Variants in EPM2A observed in about 807,000 individuals in gnomAD.
EPM2A encodes the protein laforin.
In EPM2A, 21 loss-of-function variants were observed where a neutral mutation model predicts 26.5. That is an observed-to-expected ratio of 0.79 (90% CI 0.56 to 1.14). The LOEUF (loss-of-function observed/expected upper bound fraction) is 1.14. Ranked by LOEUF, EPM2A falls within the 50% of genes most tolerant of loss-of-function variation. The probability of loss-of-function intolerance (pLI) is 0.00; values close to 1 mark genes in which losing one functional copy is unlikely to be tolerated. For synonymous variants in EPM2A, 217 were observed against 177.6 expected, an observed-to-expected ratio of 1.22 and a Z score of -1.76; for missense variants, 458 against 440.8, an observed-to-expected ratio of 1.04 and a Z score of -0.35.
rs541969821 is a variant in EPM2A, at chr6:145,386,709, G to C, written c.556-2612C>G. Among the ~76,000 whole-genome samples the C allele has an allele frequency of 5.1e-4, 78 of 152,264 alleles. 1 individual carries two copies. The highest frequency in any genetic ancestry group is 1.8e-3 in the African/African-American group (73 of 41,560). ...GGCCATATTCTGATGTGTGATATCA[G>C]TTTTCAGGCAGGTAGTTGCAGTTTA... On this transcript the variant is annotated intron_variant, in intron 4 of 4. Transcript: ENST00000638717.
Position 145,626,440 on chromosome 6 carries a change from G to A in EPM2A, c.*976C>T. ...CTCTGGTCTTAAAACAGCCCATCAT[G>A]TTTTTAAATTAGCTTGCACAAAATA... On this transcript the variant is annotated 3_prime_UTR_variant, in exon 4 of 4. Coordinates refer to ENST00000367519, the MANE Select transcript of EPM2A (RefSeq NM_005670.4). 1.0e-6 allele frequency: 1 copy of A among 985,896 alleles called. No homozygotes were observed. Among genetic ancestry groups the A allele is most frequent in the Non-Finnish European group, 1.2e-6 (1 of 829,968 alleles). 61.1% of individuals were successfully genotyped at this position (985,896 alleles called of 1,614,324 possible). A position where few individuals can be genotyped will look rare whatever the true frequency, so the allele number is the denominator to read the frequency against.
chr6:145,578,542 TAACA>T (rs1257788613), intron 2 of EPM2A, among the ~76,000 whole-genome samples: 2 of 152,242 alleles, frequency 1.3e-5, no homozygotes, highest in East Asian at 3.9e-4. Flanking sequence ...ATCGAATTAA[TAACA>T]AACAGTTTCC....
intron 4 of EPM2A, among the ~76,000 whole-genome samples, chr6:145,468,801 T>A (rs905186481): frequency 6.6e-6 from 1 of 152,028 alleles, no homozygotes; most frequent in Admixed American, 6.6e-5. Flanking sequence ...CACATCAAGT[T>A]AAAAAAGCTT....
chr6:145,719,976 A>T (rs1775864111), intron 1 of EPM2A, among the ~76,000 whole-genome samples: 1 of 152,196 alleles, frequency 6.6e-6, no homozygotes, highest in South Asian at 2.1e-4. Context: ...ACATTTTTGT[A>T]TTACCAGAAT....
chr6:145,395,059 A>T (rs544219334), intron 4 of EPM2A, among the ~76,000 whole-genome samples: 1 of 152,032 alleles, frequency 6.6e-6, no homozygotes, highest in Non-Finnish European at 1.5e-5. Context: ...TAAGTTTCAC[A>T]GACATCTATT....
intron 1 of EPM2A, among the ~76,000 whole-genome samples, chr6:145,690,468 C>T (rs1282458949): frequency 2.0e-5 from 3 of 148,684 alleles, no homozygotes; most frequent in African/African-American, 7.5e-5. Context: ...CGAGATTGCG[C>T]CACTGCAGTC....
At position 145,447,948 on chromosome 6, in the gene EPM2A, A is replaced by T. The variant is rs6570685; in HGVS notation, c.555+54574T>A. ...TTGTTTTTAAAAATTCTCAAAAGAC[A>T]TCAAACTGGTAGGACTTCTTATACT... is the stretch of plus-strand genomic sequence containing the variant. On this transcript the variant is annotated intron_variant, in intron 4 of 4. Transcript: ENST00000638717. 2.0e-5 allele frequency among the ~76,000 whole-genome samples: 3 copies of T among 151,934 alleles called. No homozygotes were observed. The South Asian group carries it at 6.2e-4, about 31-fold the overall frequency.
chr6:145,720,643 G>A (rs1367813072), intron 1 of EPM2A, among the ~76,000 whole-genome samples: 2 of 152,136 alleles, frequency 1.3e-5, no homozygotes, highest in Non-Finnish European at 2.9e-5. Context: ...CAAACAGATA[G>A]ACTTTTGCTG....
At chr6:145,655,115 T>C (rs1197088091) in intron 2 of EPM2A, among the ~76,000 whole-genome samples, 1 of 152,118 alleles carries the variant, frequency 6.6e-6, no homozygotes, top group Non-Finnish European at 1.5e-5. Context: ...CATGCTTTGT[T>C]GACACTGTAA....
chr6:145,663,354 C>T (rs185323378), intron 2 of EPM2A, among the ~76,000 whole-genome samples: 1,653 of 152,366 alleles, frequency 0.011, 13 homozygotes, highest in Admixed American at 0.018. Context: ...GTACCGGGTT[C>T]ATCTCACTAG....
At chr6:145,666,947 A>T (rs1207912441) in intron 2 of EPM2A, among the ~76,000 whole-genome samples, 1 of 134,112 alleles carries the variant, frequency 7.5e-6, no homozygotes. Flanking sequence ...GTGCTGGGAA[A>T]ACTGGCTAGC....
At chr6:145,580,345 A>G (rs1279924569) in intron 2 of EPM2A, among the ~76,000 whole-genome samples, 2 of 152,182 alleles carry the variant, frequency 1.3e-5, no homozygotes, top group Non-Finnish European at 2.9e-5. Context: ...ATTTAAAACC[A>G]TAAAGAAATC....
intron 1 of EPM2A, among the ~76,000 whole-genome samples, chr6:145,691,071 T>C (rs1001908260): frequency 2.6e-5 from 4 of 151,226 alleles, no homozygotes; most frequent in African/African-American, 4.9e-5. Context: ...AGGGAAAAGA[T>C]AGTAGGGCTT....
In EPM2A at chr6:145,735,428, C is replaced by T. The variant is rs1488047448; in HGVS notation, c.71G>A (p.Gly24Glu). Residue 24 changes from glycine to glutamate, a missense_variant, in exon 1 of 4, where the codon GGG (glycine) becomes GAG (glutamate). Physicochemically the swap from Gly to Glu is moderately conservative, Grantham distance 98. Transcript: ENST00000367519. ...CCAACGCCCCAGCTCGGGCCGCGAC[C>T]CCACCACCAGCAGCTCCGGCCGGGC... Reference protein sequence around the residue: ...AGARPELLVVGSRPELGRWEP... With the variant: ...AGARPELLVVESRPELGRWEP... 6.4e-6 allele frequency: 8 copies of T among 1,258,168 alleles called. No individual in the cohort carries two copies. Among genetic ancestry groups the T allele is most frequent in the Non-Finnish European group, 8.0e-6 (8 of 995,118 alleles). The allele number at this position is 1,258,168 out of a possible 1,614,324, so 77.9% of individuals were successfully genotyped here. A position where few individuals can be genotyped will look rare whatever the true frequency, so the allele number is the denominator to read the frequency against.
intron 2 of EPM2A, among the ~76,000 whole-genome samples, chr6:145,553,829 A>T (rs1780686265): frequency 6.8e-6 from 1 of 147,576 alleles, no homozygotes; most frequent in South Asian, 2.1e-4. Context: ...TATATATATT[A>T]TATATATAGT....
rs566640023 is a variant in EPM2A, at chr6:145,682,255, T to A, written c.476+3867A>T. Among the ~76,000 whole-genome samples the A allele has an allele frequency of 3.9e-5, 6 of 152,216 alleles. No individual in the cohort carries two copies. In the South Asian group the frequency reaches 1.2e-3, roughly 32 times the overall value. ...AAACCATCAGATCTCATGAGACTTA[T>A]TCACTATCACGAGAACAGTATGGGA... On this transcript the variant is annotated intron_variant, in intron 2 of 3. Coordinates refer to ENST00000367519, the MANE Select transcript of EPM2A (RefSeq NM_005670.4).
At chr6:145,700,849 A>G (rs77723755) in intron 1 of EPM2A, among the ~76,000 whole-genome samples, 7,743 of 152,292 alleles carry the variant, frequency 0.051, 667 homozygotes, top group African/African-American at 0.17. Flanking sequence ...ATAATTTAGT[A>G]AAACACTCCC....
chr6:145,405,121 A>G (rs914898090), intron 4 of EPM2A, among the ~76,000 whole-genome samples: 6 of 152,150 alleles, frequency 3.9e-5, no homozygotes, highest in Admixed American at 3.3e-4. Flanking sequence ...TGTGAATAGA[A>G]AAGTTGCTGA....
chr6:145,387,965 A>T (rs1778285496), intron 4 of EPM2A, among the ~76,000 whole-genome samples: 1 of 152,112 alleles, frequency 6.6e-6, no homozygotes, highest in Admixed American at 6.6e-5. Flanking sequence ...GGGTGACAGA[A>T]ATGTTGTTTG....
Sources: gnomAD v4.1 joint callset for allele counts (sites outside exome capture counted in the v4.1 genomes callset) on GRCh38, gnomAD v4.1.1 for gene constraint, MANE v1.5 for transcripts, NCBI Gene and HGNC (gene_info 2026-07-23, HGNC 2026-07-21) for gene names.